Variants in LINGO2 observed in about 807,000 individuals in gnomAD.
LINGO2 encodes the protein leucine rich repeat and Ig domain containing 2.
In LINGO2, 14 loss-of-function variants were observed where a neutral mutation model predicts 30.6. The observed-to-expected ratio is 0.46, with a 90% confidence interval of 0.30 to 0.72. LINGO2 has a LOEUF of 0.72. Ranked by LOEUF, LINGO2 falls within the 30% of genes least tolerant of loss-of-function variation. The probability of loss-of-function intolerance (pLI) is 0.07; values close to 1 mark genes in which losing one functional copy is unlikely to be tolerated. For synonymous variants in LINGO2, 317 were observed against 288.5 expected (o/e 1.10, Z -1.00); for missense variants, 729 against 751.7 (o/e 0.97, Z 0.35).
chr9:28,123,132 G>A (rs773277954), intron 4 of LINGO2, among the ~76,000 whole-genome samples: 1 of 152,150 alleles, frequency 6.6e-6, no homozygotes, highest in Non-Finnish European at 1.5e-5. Flanking sequence ...AAAAATTTGA[G>A]AGGATTGAAT....
intron 1 of LINGO2, among the ~76,000 whole-genome samples, chr9:28,546,992 G>A (rs948227926): frequency 6.6e-6 from 1 of 151,960 alleles, no homozygotes; most frequent in Admixed American, 6.6e-5. Flanking sequence ...CAGAACTGCA[G>A]GAAAAATTGA....
At chr9:28,151,403 A>G (rs1827996339) in intron 4 of LINGO2, among the ~76,000 whole-genome samples, 1 of 151,920 alleles carries the variant, frequency 6.6e-6, no homozygotes, top group Non-Finnish European at 1.5e-5. Context: ...TTATATTTAT[A>G]CATACACACA....
At chr9:28,809,677 C>T in the LINGO2 span, among the ~76,000 whole-genome samples, 7 of 137,766 alleles carry the variant, frequency 5.1e-5, no homozygotes, top group South Asian at 1.7e-3. Flanking sequence ...ACCCGGGAGG[C>T]GGAGGTTGCA....
intron 2 of LINGO2, among the ~76,000 whole-genome samples, chr9:28,457,104 G>T (rs1313639887): frequency 6.6e-6 from 1 of 152,092 alleles, no homozygotes. Context: ...CCAGAAGCAA[G>T]ACAGTCAAGT....
rs1356393965 is a variant in LINGO2 at position 28,558,555 on chromosome 9, AAAGCAACACAG to A, written c.-364-82541_-364-82531del. Among the ~76,000 whole-genome samples, 6 of 152,058 alleles carry A rather than the reference AAAGCAACACAG, an allele frequency of 3.9e-5. No individual in the cohort carries two copies. In the South Asian group the frequency reaches 1.2e-3, roughly 32 times the overall value. ...AGTAGCCTTATTTTGAAGAACAGGA[AAAGCAACACAG>A]AAGTCTAACTGTTCAAGAGACTCCA... On this transcript the variant is annotated intron_variant, in intron 1 of 5. Coordinates refer to ENST00000379992, the Ensembl canonical transcript of LINGO2.
At chr9:28,288,899 T>C (rs1260499376) in intron 4 of LINGO2, among the ~76,000 whole-genome samples, 2 of 152,222 alleles carry the variant, frequency 1.3e-5, no homozygotes, top group African/African-American at 4.8e-5. Context: ...GCATAGCCCA[T>C]TAATGGGGCA....
In LINGO2 at chr9:28,022,364, G is replaced by C. The variant is rs535858476; in HGVS notation, c.-86-9959C>G. 3.3e-5 allele frequency among the ~76,000 whole-genome samples: 5 copies of C among 152,060 alleles called. No homozygotes were observed. The East Asian group carries it at 9.7e-4, about 29-fold the overall frequency. On this transcript the variant is annotated intron_variant, in intron 4 of 5. Coordinates refer to ENST00000379992, the Ensembl canonical transcript of LINGO2. ...TCTTTTATATCAATTAAGATTAGAA[G>C]TAAGAAAAATAAAATTTTATCCTTC...
chr9:28,021,507 G>C (rs1421579702), intron 4 of LINGO2, among the ~76,000 whole-genome samples: 2 of 152,152 alleles, frequency 1.3e-5, no homozygotes, highest in African/African-American at 4.8e-5. Flanking sequence ...ATTAGATTAA[G>C]TTGATTGGTA....
chr9:28,067,017 TCTCTA>T lies in LINGO2; in HGVS notation c.-86-54617_-86-54613del, dbSNP rs545355192. On this transcript the variant is annotated intron_variant, in intron 4 of 5. Transcript: ENST00000379992. Reference sequence around the variant, plus strand: ...CAGAGATTTAAATATAATTTAGGCCTCTCTACTCACCTCGTTATTTGCTTAATAAG... The same window carrying T: ...CAGAGATTTAAATATAATTTAGGCCTCTCACCTCGTTATTTGCTTAATAAG... Among the ~76,000 whole-genome samples, 767 of 152,194 alleles carry T rather than the reference TCTCTA, an allele frequency of 5.0e-3. 5 individuals are homozygous for T. Among genetic ancestry groups the T allele is most frequent in the Non-Finnish European group, 9.0e-3 (610 of 68,004 alleles).
intron 1 of LINGO2, among the ~76,000 whole-genome samples, chr9:28,548,077 A>C (rs1489165163): frequency 6.6e-6 from 1 of 152,154 alleles, no homozygotes; most frequent in East Asian, 1.9e-4. Context: ...AGGAACCTGG[A>C]GAGCTCACAG....
chr9:28,109,781 T>C (rs183679034), intron 4 of LINGO2, among the ~76,000 whole-genome samples: 2 of 152,262 alleles, frequency 1.3e-5, no homozygotes, highest in East Asian at 3.9e-4. Context: ...TGCTCATGGA[T>C]AGGAAGAATC....
chr9:28,993,069 A>T, the LINGO2 span, among the ~76,000 whole-genome samples: 1 of 152,224 alleles, frequency 6.6e-6, no homozygotes, highest in Non-Finnish European at 1.5e-5. Flanking sequence ...AAATTCCTGA[A>T]TCCAGGAGCT....
chr9:27,999,619 G>A (rs879240676), intron 5 of LINGO2, among the ~76,000 whole-genome samples: 1 of 152,116 alleles, frequency 6.6e-6, no homozygotes, highest in Admixed American at 6.6e-5. Context: ...CCCTGGAAGA[G>A]ACTGCCACCA....
At chr9:28,244,837 C>G (rs1438307453) in intron 4 of LINGO2, among the ~76,000 whole-genome samples, 1 of 148,856 alleles carries the variant, frequency 6.7e-6, no homozygotes, top group African/African-American at 2.5e-5. Context: ...AAAAAAAGCC[C>G]AGGACCACAT....
At chr9:28,314,949 G>A (rs544183428) in intron 3 of LINGO2, among the ~76,000 whole-genome samples, 5 of 150,082 alleles carry the variant, frequency 3.3e-5, no homozygotes, top group African/African-American at 4.9e-5. Context: ...GGCGGAGTTC[G>A]CAGTGAGCCG....
chr9:28,458,823 C>G (rs1420968935), intron 2 of LINGO2, among the ~76,000 whole-genome samples: 1 of 152,080 alleles, frequency 6.6e-6, no homozygotes, highest in East Asian at 1.9e-4. Context: ...AAACTCATTG[C>G]TCACCTTGAA....
the LINGO2 span, among the ~76,000 whole-genome samples, chr9:28,783,810 C>A: frequency 2.1e-4 from 32 of 152,264 alleles, no homozygotes; most frequent in African/African-American, 7.7e-4. Context: ...AAATTTATTT[C>A]TCAGAGCTCT....
chr9:27,981,551 G>T (rs71480383), intron 5 of LINGO2, among the ~76,000 whole-genome samples: 1 of 87,164 alleles, frequency 1.1e-5, no homozygotes, highest in Non-Finnish European at 2.3e-5. Flanking sequence ...AAAAAAAAAA[G>T]AAAAAAAAGA....
the LINGO2 span, among the ~76,000 whole-genome samples, chr9:28,973,178 G>A: frequency 1.9e-3 from 296 of 152,188 alleles, no homozygotes; most frequent in African/African-American, 6.8e-3. Flanking sequence ...CCAAATCCAC[G>A]AAGGTTATAG....
Sources: gnomAD v4.1 joint callset for allele counts (sites outside exome capture counted in the v4.1 genomes callset) on GRCh38, gnomAD v4.1.1 for gene constraint, MANE v1.5 for transcripts, NCBI Gene and HGNC (gene_info 2026-07-23, HGNC 2026-07-21) for gene names.